TRAPPC12: variants seen among roughly 807,000 people sequenced by gnomAD.
TRAPPC12 encodes TPR repeat protein 15.
TRAPPC12 carries 61 observed loss-of-function variants against 69.2 expected under a neutral mutation model. The observed-to-expected ratio is 0.88, with a 90% confidence interval of 0.72 to 1.09. TRAPPC12 has a LOEUF of 1.09. Ranked by LOEUF, TRAPPC12 falls within the 50% of genes least tolerant of loss-of-function variation. The pLI is 0.00. For synonymous variants in TRAPPC12, 469 were observed against 438.9 expected, an observed-to-expected ratio of 1.07 and a Z score of -0.86; for missense variants, 1,101 against 1,016.4, an observed-to-expected ratio of 1.08 and a Z score of -1.13.
At chr2:3,383,180 C>T (rs1018827611) in intron 1 of TRAPPC12, among the ~76,000 whole-genome samples, 1 of 151,960 alleles carries the variant, frequency 6.6e-6, no homozygotes, top group Non-Finnish European at 1.5e-5. Context: ...ATGTATTCTT[C>T]GTGTTAATCC....
chr2:3,392,200 T>A (rs1032171159), intron 2 of TRAPPC12, among the ~76,000 whole-genome samples: 2 of 152,106 alleles, frequency 1.3e-5, no homozygotes, highest in African/African-American at 4.8e-5. Flanking sequence ...AGCTTAAAGG[T>A]CTCTGGTCCT....
chr2:3,441,524 T>C (rs1664201978), intron 5 of TRAPPC12, among the ~76,000 whole-genome samples: 1 of 151,970 alleles, frequency 6.6e-6, no homozygotes, highest in Non-Finnish European at 1.5e-5. Context: ...CAGAGTTTTA[T>C]TGGTCTTGTC....
At chr2:3,446,595 G>A (rs1042702401) in intron 6 of TRAPPC12, among the ~76,000 whole-genome samples, 26 of 152,216 alleles carry the variant, frequency 1.7e-4, no homozygotes, top group African/African-American at 6.0e-4. Context: ...GGCCGCATGT[G>A]GGCATTCTTG....
chr2:3,422,065 G>A, intron 4 of TRAPPC12, 71 bp downstream of exon 4: 1 of 1,129,710 alleles, frequency 8.9e-7, no homozygotes, highest in South Asian at 1.4e-5. Context: ...CAGGACCATG[G>A]CCTTTCATGC....
intron 3 of TRAPPC12, among the ~76,000 whole-genome samples, chr2:3,404,155 C>T (rs1397394231): frequency 1.3e-5 from 2 of 152,118 alleles, no homozygotes. Flanking sequence ...TGACCCAGAT[C>T]GCGGTTGTGT....
At chr2:3,435,098 C>T (rs906824584) in intron 5 of TRAPPC12, among the ~76,000 whole-genome samples, 3 of 152,150 alleles carry the variant, frequency 2.0e-5, no homozygotes, top group African/African-American at 7.2e-5. Flanking sequence ...CTGCAATGTC[C>T]ACCTCCCACA....
chr2:3,394,336 G>A (rs1233243681), intron 2 of TRAPPC12, among the ~76,000 whole-genome samples: 2 of 152,154 alleles, frequency 1.3e-5, no homozygotes, highest in African/African-American at 2.4e-5. Flanking sequence ...CTAGAAGAAG[G>A]GGAGGGCCGG....
chr2:3,428,585 G>A (rs1663248862), intron 5 of TRAPPC12, among the ~76,000 whole-genome samples: 1 of 152,142 alleles, frequency 6.6e-6, no homozygotes, highest in Non-Finnish European at 1.5e-5. Flanking sequence ...AATCATGAAG[G>A]TTTTTTAAAA....
At chr2:3,475,798 C>T (rs1292188790) in intron 9 of TRAPPC12, among the ~76,000 whole-genome samples, 1 of 152,184 alleles carries the variant, frequency 6.6e-6, no homozygotes, top group African/African-American at 2.4e-5. Flanking sequence ...CTTTCCAAGC[C>T]CGACGACTTC....
intron 5 of TRAPPC12, among the ~76,000 whole-genome samples, chr2:3,441,611 TTTA>T (rs1474658670): frequency 4.7e-5 from 7 of 148,116 alleles, no homozygotes; most frequent in South Asian, 2.1e-4. Flanking sequence ...TGCTCTAATT[TTTA>T]TTATTATATT....
chr2:3,464,967 C>T (rs1441808771), intron 8 of TRAPPC12, among the ~76,000 whole-genome samples: 2 of 152,230 alleles, frequency 1.3e-5, no homozygotes, highest in African/African-American at 4.8e-5. Context: ...GCCCTGAGCA[C>T]GGCAGCTGGC....
chr2:3,477,665 A>G (rs1482414315), intron 9 of TRAPPC12, 30 bp from the exon 10 acceptor site: 4 of 1,430,186 alleles, frequency 2.8e-6, no homozygotes, highest in African/African-American at 1.4e-5. Flanking sequence ...TTCTTTTGTC[A>G]ACTAAACTGA....
intron 6 of TRAPPC12, chr2:3,457,073 A>T: frequency 4.3e-6 from 2 of 463,144 alleles, no homozygotes; most frequent in South Asian, 1.6e-5. Context: ...GGCGAACGGG[A>T]TAAGGAAAAG....
chr2:3,448,920 A>G (rs1664703496), intron 6 of TRAPPC12, among the ~76,000 whole-genome samples: 1 of 152,208 alleles, frequency 6.6e-6, no homozygotes, highest in Non-Finnish European at 1.5e-5. Flanking sequence ...GTCTGTGTTC[A>G]GCATGTGTGT....
At chr2:3,411,483 T>C (rs1662056784) in intron 3 of TRAPPC12, among the ~76,000 whole-genome samples, 2 of 152,370 alleles carry the variant, frequency 1.3e-5, no homozygotes, top group Admixed American at 1.3e-4. Context: ...AGATTGCTTA[T>C]ATAACCACTG....
chr2:3,422,423 A>T (rs917117444), intron 4 of TRAPPC12, among the ~76,000 whole-genome samples: 6 of 151,798 alleles, frequency 4.0e-5, no homozygotes, highest in South Asian at 2.1e-4. Context: ...TCTGAAATTT[A>T]AAAAAAAAGA....
intron 3 of TRAPPC12, chr2:3,421,593 C>T (rs1662786657): frequency 6.3e-6 from 4 of 631,266 alleles, no homozygotes; most frequent in Non-Finnish European, 9.1e-6. Context: ...CAATAAAAAG[C>T]CTCTTCCCGA....
At chr2:3,422,338 C>T (rs1662857248) in intron 4 of TRAPPC12, among the ~76,000 whole-genome samples, 1 of 152,072 alleles carries the variant, frequency 6.6e-6, no homozygotes, top group Non-Finnish European at 1.5e-5. Flanking sequence ...GAAACAGTGA[C>T]AGGAGCAGTT....
intron 9 of TRAPPC12, among the ~76,000 whole-genome samples, chr2:3,470,974 C>T (rs1666033528): frequency 6.6e-6 from 1 of 152,092 alleles, no homozygotes; most frequent in South Asian, 2.1e-4. Context: ...CACCGCACCT[C>T]CTCTTTGTGT....
Sources: gnomAD v4.1 joint callset for allele counts (sites outside exome capture counted in the v4.1 genomes callset) on GRCh38, gnomAD v4.1.1 for gene constraint, MANE v1.5 for transcripts, NCBI Gene and HGNC (gene_info 2026-07-23, HGNC 2026-07-21) for gene names.